GNAZ: variants seen among roughly 807,000 people sequenced by gnomAD.
The protein encoded by GNAZ is G protein subunit alpha z, also known as guanine nucleotide-binding protein G(z) subunit alpha.
In GNAZ, 3 loss-of-function variants were observed where a neutral mutation model predicts 25.4. That is an observed-to-expected ratio of 0.12 (90% CI 0.05 to 0.30). GNAZ has a LOEUF of 0.30. GNAZ is among the 10% of genes least tolerant of loss of function. GNAZ has a pLI of 1.00. For missense variants in GNAZ, 241 were observed against 501.8 expected (o/e 0.48, Z 4.97); for synonymous variants, 211 against 205.7 (o/e 1.03, Z -0.22).
chr22:23,109,422 G>A (rs2069579551), intron 2 of GNAZ, among the ~76,000 whole-genome samples: 1 of 152,182 alleles, frequency 6.6e-6, no homozygotes, highest in African/African-American at 2.4e-5. Flanking sequence ...CTTTTTGGGA[G>A]TCCTGAATCT....
intron 2 of GNAZ, among the ~76,000 whole-genome samples, chr22:23,100,460 G>A (rs905005832): frequency 4.6e-5 from 7 of 152,208 alleles, no homozygotes; most frequent in East Asian, 3.8e-4. Flanking sequence ...TCCAGGGGAC[G>A]GGGGACATAA....
intron 2 of GNAZ, among the ~76,000 whole-genome samples, chr22:23,101,620 T>C (rs1276900383): frequency 6.6e-6 from 1 of 152,236 alleles, no homozygotes; most frequent in Non-Finnish European, 1.5e-5. Context: ...TGCCGCCCTT[T>C]TCCCGACACA....
At chr22:23,102,916 C>G (rs1456633867) in intron 2 of GNAZ, among the ~76,000 whole-genome samples, 1 of 152,256 alleles carries the variant, frequency 6.6e-6, no homozygotes, top group Non-Finnish European at 1.5e-5. Flanking sequence ...AACAGGAGGT[C>G]AGCCAGCGTG....
Position 23,087,009 on chromosome 22 carries a change from A to G in GNAZ, c.-449-8238A>G, listed in dbSNP as rs566293800. Among the ~76,000 whole-genome samples the G allele has an allele frequency of 7.2e-5, 11 of 152,348 alleles. No individual in the cohort carries two copies. In the South Asian group the frequency reaches 1.9e-3, roughly 26 times the overall value. On this transcript the variant is annotated intron_variant, in intron 1 of 2. Transcript: ENST00000615612. ...ATGCGGCTCCGATAAGTCGGGCGTA[A>G]AAGGGCAGTGGAAAGTGCTTCCTCA...
chr22:23,078,712 G>A (rs1299808185), intron 1 of GNAZ, among the ~76,000 whole-genome samples: 3 of 152,242 alleles, frequency 2.0e-5, no homozygotes, highest in Admixed American at 2.0e-4. Flanking sequence ...ACTGGCACAG[G>A]AAGAAGGCCA....
intron 1 of GNAZ, among the ~76,000 whole-genome samples, chr22:23,080,695 C>T (rs956030592): frequency 1.3e-5 from 2 of 152,248 alleles, no homozygotes; most frequent in African/African-American, 4.8e-5. Context: ...AACACGGAGT[C>T]ACATGTCCTC....
intron 2 of GNAZ, among the ~76,000 whole-genome samples, chr22:23,111,552 A>G (rs1231070618): frequency 6.6e-6 from 1 of 152,256 alleles, no homozygotes; most frequent in Non-Finnish European, 1.5e-5. Context: ...CAGAGACACC[A>G]AAGCACTCCA....
chr22:23,108,215 C>T (rs980748636), intron 2 of GNAZ, among the ~76,000 whole-genome samples: 15 of 152,396 alleles, frequency 9.8e-5, no homozygotes, highest in Non-Finnish European at 1.9e-4. Flanking sequence ...GCCATCTGGC[C>T]TTGCCTGCCA....
chr22:23,113,059 ACAGGGCTCACCTCCAG>A (rs1198762794), intron 2 of GNAZ, among the ~76,000 whole-genome samples: 2 of 151,310 alleles, frequency 1.3e-5, no homozygotes, highest in Non-Finnish European at 3.0e-5. Flanking sequence ...CTGGAACCTC[ACAGGGCTCACCTCCAG>A]GCTAGCACCC....
chr22:23,118,284 G>A (rs1341663685), intron 2 of GNAZ, among the ~76,000 whole-genome samples: 1 of 152,202 alleles, frequency 6.6e-6, no homozygotes, highest in Non-Finnish European at 1.5e-5. Flanking sequence ...TCCCACCATT[G>A]CACAAGCTTC....
At chr22:23,108,519 C>T (rs2069550050) in intron 2 of GNAZ, among the ~76,000 whole-genome samples, 2 of 152,176 alleles carry the variant, frequency 1.3e-5, no homozygotes, top group Non-Finnish European at 2.9e-5. Context: ...ACACAGCCTG[C>T]CATGGAAGGC....
intron 2 of GNAZ, among the ~76,000 whole-genome samples, chr22:23,109,206 G>T (rs2069572499): frequency 6.6e-6 from 1 of 152,160 alleles, no homozygotes; most frequent in South Asian, 2.1e-4. Flanking sequence ...CGAGCCTCTG[G>T]GGTAAGGTAG....
At chr22:23,078,051 C>T (rs997358942) in intron 1 of GNAZ, among the ~76,000 whole-genome samples, 2 of 152,218 alleles carry the variant, frequency 1.3e-5, no homozygotes, top group African/African-American at 4.8e-5. Context: ...CCCACCCAGC[C>T]CTCTTGCTTC....
chr22:23,111,291 C>T (rs1601821424), intron 2 of GNAZ, among the ~76,000 whole-genome samples: 2 of 152,342 alleles, frequency 1.3e-5, no homozygotes, highest in East Asian at 1.9e-4. Context: ...TCTCCTGTGA[C>T]GTGGCTGGCT....
chr22:23,081,559 T>C (rs925325085), intron 1 of GNAZ, among the ~76,000 whole-genome samples: 1 of 151,218 alleles, frequency 6.6e-6, no homozygotes, highest in Non-Finnish European at 1.5e-5. Flanking sequence ...ATCAGGTTCA[T>C]GCCTGTAATC....
chr22:23,087,636 G>A (rs1240761305), intron 1 of GNAZ, among the ~76,000 whole-genome samples: 1 of 152,228 alleles, frequency 6.6e-6, no homozygotes, highest in Non-Finnish European at 1.5e-5. Flanking sequence ...AGGAAGCAAA[G>A]TTTTTAAGGA....
At chr22:23,094,973 ATGGGGGC>A (rs2069081479) in intron 1 of GNAZ, among the ~76,000 whole-genome samples, 1 of 152,204 alleles carries the variant, frequency 6.6e-6, no homozygotes, top group African/African-American at 2.4e-5. Flanking sequence ...TGAGTCCAGC[ATGGGGGC>A]TGGGTGGGCA....
At chr22:23,088,976 A>G (rs2068888843) in intron 1 of GNAZ, among the ~76,000 whole-genome samples, 1 of 152,190 alleles carries the variant, frequency 6.6e-6, no homozygotes. Context: ...CGTCTCCTCA[A>G]CAAGCCTAAA....
chr22:23,073,492 C>A (rs1028746479), intron 1 of GNAZ, among the ~76,000 whole-genome samples: 2 of 152,332 alleles, frequency 1.3e-5, no homozygotes, highest in African/African-American at 4.8e-5. Flanking sequence ...CCTGGTCCCA[C>A]CATCCTAGGT....
Sources: gnomAD v4.1 joint callset for allele counts (sites outside exome capture counted in the v4.1 genomes callset) on GRCh38, gnomAD v4.1.1 for gene constraint, MANE v1.5 for transcripts, NCBI Gene and HGNC (gene_info 2026-07-23, HGNC 2026-07-21) for gene names.